Variants in DSCAML1 observed in about 807,000 individuals in gnomAD.
The protein encoded by DSCAML1 is cell adhesion molecule DSCAML1.
DSCAML1 carries 38 observed loss-of-function variants against 200.5 expected under a neutral mutation model. The observed-to-expected ratio is 0.19, with a 90% CI of 0.15 to 0.25. The LOEUF is 0.25. Among genes scored for constraint, DSCAML1 ranks in the 10% least tolerant of loss-of-function variants. DSCAML1 has a pLI of 1.00. For synonymous variants in DSCAML1, 1,215 were observed against 1,165.0 expected (o/e 1.04, Z -0.87); for missense variants, 2,223 against 2,858.8 (o/e 0.78, Z 5.07).
At chr11:117,726,663 G>C (rs996654012) in intron 3 of DSCAML1, among the ~76,000 whole-genome samples, 1 of 152,182 alleles carries the variant, frequency 6.6e-6, no homozygotes, top group African/African-American at 2.4e-5. Flanking sequence ...TAGTGTTCAA[G>C]CCATCTGCTG....
At position 117,770,158 on chromosome 11, in the gene DSCAML1, C is replaced by T. The variant is rs561331867; in HGVS notation, c.511+6633G>A. Reference sequence around the variant, plus strand: ...AGCAGAAAGAGTGGTCCTGCGGTATCCTCCTCTTTGTGGGAAGACACTATA... The same window carrying T: ...AGCAGAAAGAGTGGTCCTGCGGTATTCTCCTCTTTGTGGGAAGACACTATA... On this transcript the variant is annotated intron_variant, in intron 3 of 32. Transcript: ENST00000651296. Among the ~76,000 whole-genome samples the T allele has an allele frequency of 1.1e-4, 17 of 152,314 alleles. No homozygotes were observed. The South Asian group carries it at 3.5e-3, about 32-fold the overall frequency.
chr11:117,665,378 C>T (rs1196866496), intron 3 of DSCAML1, among the ~76,000 whole-genome samples: 1 of 152,234 alleles, frequency 6.6e-6, no homozygotes, highest in Non-Finnish European at 1.5e-5. Context: ...ACAGCAATGA[C>T]AGCCACAAGC....
intron 17 of DSCAML1, among the ~76,000 whole-genome samples, chr11:117,464,308 C>T (rs2048536540): frequency 6.6e-6 from 1 of 152,140 alleles, no homozygotes; most frequent in Non-Finnish European, 1.5e-5. Flanking sequence ...TCCTTTTTCT[C>T]AACCTGGTGC....
chr11:117,563,034 T>A (rs1752262352), intron 3 of DSCAML1, among the ~76,000 whole-genome samples: 1 of 152,196 alleles, frequency 6.6e-6, no homozygotes, highest in Non-Finnish European at 1.5e-5. Flanking sequence ...CGTGCCCCCG[T>A]TCCAGCCTCC....
chr11:117,559,124 C>A (rs1045062715), intron 3 of DSCAML1, among the ~76,000 whole-genome samples: 51 of 133,002 alleles, frequency 3.8e-4, no homozygotes, highest in Non-Finnish European at 4.4e-4. Flanking sequence ...AAAAGAAAGA[C>A]AGAAAAACAG....
chr11:117,651,875 G>A (rs1468573848), intron 3 of DSCAML1, among the ~76,000 whole-genome samples: 1 of 152,136 alleles, frequency 6.6e-6, no homozygotes, highest in African/African-American at 2.4e-5. Flanking sequence ...TGCAGAAATA[G>A]GTTCAGGGAA....
intron 1 of DSCAML1, among the ~76,000 whole-genome samples, chr11:117,795,124 A>C (rs2055546389): frequency 6.6e-6 from 1 of 152,076 alleles, no homozygotes. Flanking sequence ...GGCTCCTGGA[A>C]GGGGGAGGGG....
chr11:117,637,189 A>G lies in DSCAML1; in HGVS notation c.512-104667T>C, dbSNP rs143674401. 5.4e-3 allele frequency among the ~76,000 whole-genome samples: 817 copies of G among 152,080 alleles called. 7 individuals carry two copies. The highest frequency in any genetic ancestry group is 0.018 in the African/African-American group (764 of 41,474). ...AGACTGGGGTTGAAGGCTATTCCCTATGCTCACTGCAATCCCAACATCTCT... is the reference window on the plus strand; with the variant it reads ...AGACTGGGGTTGAAGGCTATTCCCTGTGCTCACTGCAATCCCAACATCTCT... On this transcript the variant is annotated intron_variant, in intron 3 of 32. Coordinates refer to ENST00000651296, the MANE Select transcript of DSCAML1 (RefSeq NM_020693.4).
In DSCAML1 at chr11:117,780,759, T is replaced by G. The variant is rs1379476855; in HGVS notation, c.98A>C (p.Gln33Pro). Reference sequence around the variant, plus strand: ...CACGGAGCTGGAAAAGGTCACCTGCTGCAAGGAGTCATTTACAAAGTAGAG... The same window carrying G: ...CACGGAGCTGGAAAAGGTCACCTGCGGCAAGGAGTCATTTACAAAGTAGAG... Reference protein sequence around the residue: ...TSLYFVNDSLQQVTFSSSVGV... With the variant: ...TSLYFVNDSLPQVTFSSSVGV... The change falls in exon 2 of 33, where the codon CAG (glutamine) becomes CCG (proline). Residue 33 changes from glutamine (Q) to proline (P), a missense_variant. Physicochemically the swap from Gln to Pro is moderately conservative, Grantham distance 76. This residue lies in a region of DSCAML1 where 579 missense variants were observed against 721.5 expected (regional missense o/e 0.80). Coordinates refer to ENST00000651296, the MANE Select transcript of DSCAML1 (RefSeq NM_020693.4). This position sits in a 1 kb window ranked among gnomAD's most constrained non-coding sequence, Gnocchi z 4.8. 4 of 1,527,668 alleles carry G rather than the reference T, an allele frequency of 2.6e-6. No homozygotes were observed. In the African/African-American group the frequency reaches 5.6e-5, roughly 21 times the overall value. 94.6% of individuals were successfully genotyped at this position (1,527,668 alleles called of 1,614,324 possible). A position where few individuals can be genotyped will look rare whatever the true frequency, so the allele number is the denominator to read the frequency against.
intron 16 of DSCAML1, among the ~76,000 whole-genome samples, chr11:117,467,202 C>CCCCCCCCCCCCCCCCCCA (rs2048600020): frequency 7.5e-6 from 1 of 134,082 alleles, no homozygotes; most frequent in African/African-American, 3.1e-5. Context: ...CACCTCCCCC[C>CCCCCCCCCCCCCCCCCCA]TCCCCCCGCC....
intron 3 of DSCAML1, among the ~76,000 whole-genome samples, chr11:117,578,107 T>C (rs1323867879): frequency 6.6e-6 from 1 of 151,604 alleles, no homozygotes; most frequent in Non-Finnish European, 1.5e-5. Context: ...TGGTGGTGCA[T>C]GACTGTAATC....
chr11:117,665,880 A>G (rs1343689236), intron 3 of DSCAML1, among the ~76,000 whole-genome samples: 1 of 152,182 alleles, frequency 6.6e-6, no homozygotes, highest in Non-Finnish European at 1.5e-5. Context: ...AGTCAGCCCA[A>G]CCTCCTCATT....
At chr11:117,555,957 A>T (rs1277861225) in intron 3 of DSCAML1, among the ~76,000 whole-genome samples, 4 of 111,006 alleles carry the variant, frequency 3.6e-5, no homozygotes, top group South Asian at 3.2e-4. Flanking sequence ...GGGGCGGGGG[A>T]GGAGGGGGAA....
chr11:117,438,003 G>C lies in DSCAML1; in HGVS notation c.4324C>G (p.Leu1442Val). The change falls in exon 25 of 33, where the codon CTG becomes GTG. Residue 1442 changes from leucine to valine, a missense_variant. Physicochemically the swap from Leu to Val is conservative, Grantham distance 32. This residue lies in a region of DSCAML1 where 614 missense variants were observed against 739.1 expected (regional missense o/e 0.83). Coordinates refer to ENST00000651296, the MANE Select transcript of DSCAML1 (RefSeq NM_020693.4). ...CACGTGCCACACTTGAGGCTGTCCAGCTTGAAGGAGCGCTCGCTGGAGCTG... is the reference window on the plus strand; with the variant it reads ...CACGTGCCACACTTGAGGCTGTCCACCTTGAAGGAGCGCTCGCTGGAGCTG... ...FISSSERSFK[L>V]DSLKCGTWYK... 1 of 1,614,158 alleles carries C rather than the reference G, an allele frequency of 6.2e-7. No homozygotes were observed. The highest frequency in any genetic ancestry group is 2.2e-5 in the East Asian group (1 of 44,866).
At chr11:117,458,665 C>A in intron 19 of DSCAML1, 89 bp downstream of exon 19, 1 of 1,513,052 alleles carries the variant, frequency 6.6e-7, no homozygotes, top group Non-Finnish European at 8.9e-7. Context: ...AAGGACAGTA[C>A]CCTGCTCTCA....
At chr11:117,771,060 C>T (rs1390515418) in intron 3 of DSCAML1, among the ~76,000 whole-genome samples, 2 of 152,148 alleles carry the variant, frequency 1.3e-5, no homozygotes, top group Non-Finnish European at 2.9e-5. Flanking sequence ...AGGGCACTCT[C>T]CAGCTCTCAG....
chr11:117,741,892 G>A (rs911682274), intron 3 of DSCAML1, among the ~76,000 whole-genome samples: 1 of 152,194 alleles, frequency 6.6e-6, no homozygotes, highest in Non-Finnish European at 1.5e-5. Flanking sequence ...GTATCATGGT[G>A]GGAATGCAGG....
intron 3 of DSCAML1, among the ~76,000 whole-genome samples, chr11:117,753,647 T>G (rs1475801964): frequency 6.6e-6 from 1 of 152,194 alleles, no homozygotes; most frequent in Non-Finnish European, 1.5e-5. Flanking sequence ...GTGTGATGCG[T>G]GGCTAAGTTG....
intron 32 of DSCAML1, among the ~76,000 whole-genome samples, chr11:117,429,494 C>T (rs1474540649): frequency 2.0e-5 from 1 of 49,012 alleles, no homozygotes; most frequent in Non-Finnish European, 5.8e-5. Flanking sequence ...ACCTCCGCTT[C>T]CCGAGTAGCT....
Sources: allele counts gnomAD v4.1 joint callset (sites outside exome capture counted in the v4.1 genomes callset), GRCh38; gene constraint gnomAD v4.1.1; regional missense constraint gnomAD v4.1.1; non-coding constraint Gnocchi (gnomAD v3.1); transcripts MANE v1.5; gene names NCBI Gene and HGNC (gene_info 2026-07-23, HGNC 2026-07-21).